ARMCX4: variants seen among roughly 807,000 people sequenced by gnomAD.
ARMCX4 encodes the protein armadillo repeat containing X-linked 4.
ARMCX4 carries 3 observed loss-of-function variants against 34.7 expected under a neutral mutation model. That is an observed-to-expected ratio of 0.09 (90% CI 0.04 to 0.22). ARMCX4 has a LOEUF of 0.22. Ranked by LOEUF, ARMCX4 falls within the 10% of genes least tolerant of loss-of-function variation. The probability of loss-of-function intolerance (pLI) is 1.00; values close to 1 mark genes in which losing one functional copy is unlikely to be tolerated. For missense variants in ARMCX4, 1,448 were observed against 1,720.8 expected (o/e 0.84, Z 2.81); for synonymous variants, 513 against 632.8 (o/e 0.81, Z 2.84).
intron 8 of ARMCX4, among the ~76,000 whole-genome samples, chrX:101,506,436 G>T (rs1305462403): frequency 9.0e-6 from 1 of 111,231 alleles, no homozygotes; most frequent in Non-Finnish European, 1.9e-5. Flanking sequence ...AATGCCAAAA[G>T]TTTCTGGTAA....
In ARMCX4 at chrX:101,488,729, T is replaced by C; in HGVS notation, c.140T>C (p.Met47Thr). Residue 47 changes from methionine (M) to threonine (T), a missense_variant, in exon 6 of 6, where the codon ATG (methionine) becomes ACG (threonine). Met to Thr is a moderately conservative substitution (Grantham distance 81). Transcript: ENST00000423738. ...TLARNGSTVK[M>T]ETVVGVQSQT... is the part of the protein sequence containing the mutation. ...GCCAGAAATGGATCCACAGTTAAGA[T>C]GGAGACTGTGGTTGGGGTACAGAGC... is the stretch of plus-strand genomic sequence containing the variant. 2.6e-6 allele frequency: 3 copies of C among 1,155,500 alleles called. No homozygotes were observed. The highest frequency in any genetic ancestry group is 1.9e-5 in the South Asian group (1 of 52,731).
chrX:101,454,314 C>T (rs782804245), intron 4 of ARMCX4, among the ~76,000 whole-genome samples: 12 of 104,561 alleles, frequency 1.1e-4, no homozygotes, highest in South Asian at 4.4e-4. Flanking sequence ...CTCGCTCTGT[C>T]GCCCAGGCTG....
chrX:101,496,355 T>C (rs1934177845), downstream of ARMCX4, among the ~76,000 whole-genome samples: 1 of 109,421 alleles, frequency 9.1e-6, no homozygotes. Flanking sequence ...TGACTGGAGA[T>C]TGGAAAAACA....
At chrX:101,522,565 T>A (rs1447111929) in intron 11 of ARMCX4, among the ~76,000 whole-genome samples, 1 of 112,603 alleles carries the variant, frequency 8.9e-6, no homozygotes, top group East Asian at 2.8e-4. Context: ...TTTTTTGTTC[T>A]ATTCTTCTAT....
At chrX:101,498,393 G>A (rs143469919), downstream of ARMCX4, 582 of 211,174 alleles carry the variant, frequency 2.8e-3, 5 homozygotes, top group African/African-American at 0.017. Context: ...ATTTTCAATG[G>A]TGGTTAACTG....
chrX:101,458,430 A>C (rs782384754), intron 4 of ARMCX4, among the ~76,000 whole-genome samples: 2 of 111,407 alleles, frequency 1.8e-5, no homozygotes, highest in South Asian at 7.4e-4. Context: ...TATAAAAGGA[A>C]ATAAAAACTA....
At chrX:101,446,055 T>C (rs1250503306) in exon 4 of ARMCX4, 2 of 112,383 alleles carry the variant, frequency 1.8e-5, no homozygotes, top group East Asian at 2.8e-4. Flanking sequence ...GTGAGTTGGA[T>C]AGGAAAATTT....
downstream of ARMCX4, among the ~76,000 whole-genome samples, chrX:101,447,124 C>A (rs1304801790): frequency 1.8e-5 from 2 of 111,701 alleles, no homozygotes; most frequent in Non-Finnish European, 3.8e-5. Flanking sequence ...TGGCTTCCTC[C>A]AGAGGGAATG....
At position 101,492,420 on chromosome X, in the gene ARMCX4, T is replaced by G. The variant is rs1556009727; in HGVS notation, c.3831T>G (p.Ser1277=). The G allele has an allele frequency of 8.7e-7, 1 of 1,153,278 alleles. No individual in the cohort carries two copies. Among genetic ancestry groups the G allele is most frequent in the Admixed American group, 2.6e-5 (1 of 38,516 alleles). ...CTGAGAACCAAGCCAGTGAAGGGTC[T>G]TGGGCTGGAGCTGGGGCTGGGAATA... The part of the protein sequence containing the change: ...TGAENQASEG[S]WAGAGAGNMS... Residue 1277 remains serine (S), a synonymous_variant, in exon 6 of 6, where the codon TCT becomes TCG. Transcript: ENST00000423738.
chrX:101,468,441 G>C (rs781979237), intron 4 of ARMCX4, among the ~76,000 whole-genome samples: 1 of 108,320 alleles, frequency 9.2e-6, no homozygotes, highest in South Asian at 4.1e-4. Flanking sequence ...ATAGGCACGC[G>C]CCACCATGCC....
chrX:101,524,859 C>G (rs1934930451), intron 11 of ARMCX4, among the ~76,000 whole-genome samples: 1 of 112,113 alleles, frequency 8.9e-6, no homozygotes, highest in Non-Finnish European at 1.9e-5. Flanking sequence ...GAATCCACCT[C>G]TGGGGGCAGG....
intron 11 of ARMCX4, among the ~76,000 whole-genome samples, chrX:101,529,955 A>G (rs1490278554): frequency 8.9e-6 from 1 of 111,757 alleles, no homozygotes; most frequent in Non-Finnish European, 1.9e-5. Flanking sequence ...TACTAGAAAT[A>G]CCATTTGACC....
upstream of ARMCX4, among the ~76,000 whole-genome samples, chrX:101,481,054 G>T (rs1380721632): frequency 9.0e-6 from 1 of 111,310 alleles, no homozygotes; most frequent in African/African-American, 3.3e-5. Context: ...GCTCAGGAAG[G>T]TCGAGGCTGC....
chrX:101,443,636 C>T (rs1236798195), intron 2 of ARMCX4: 1 of 183,260 alleles, frequency 5.5e-6, no homozygotes, highest in Non-Finnish European at 1.0e-5. Context: ...GAGTGCTCTT[C>T]TGAGCTACAG....
In ARMCX4 at chrX:101,489,826, A is replaced by G. The variant is rs782408443; in HGVS notation, c.1237A>G (p.Met413Val). ...QAVASTHAEA[M>V]SDAKVKNRGN... ...TGTTGCCAGTACTCACGCTGAGGCC[A>G]TGTCTGATGCTAAGGTTAAGAACAG... The change falls in exon 6 of 6, where the codon ATG becomes GTG. Residue 413 changes from methionine to valine, a missense_variant. By Grantham distance (21) the Met-to-Val change is conservative (BLOSUM62 1). Around this residue, in one of 2 missense-constraint regions of ARMCX4, gnomAD observed 1,343 missense variants for 1,540.7 expected, o/e 0.87. Coordinates refer to ENST00000423738, the MANE Select transcript of ARMCX4 (RefSeq NM_001256155.3). The G allele has an allele frequency of 8.6e-6, 10 of 1,156,165 alleles. 1 individual carries two copies. The South Asian group carries it at 1.9e-4, about 22-fold the overall frequency.
intron 4 of ARMCX4, among the ~76,000 whole-genome samples, chrX:101,472,423 C>T (rs1932949015): frequency 2.5e-5 from 2 of 79,465 alleles, no homozygotes; most frequent in African/African-American, 1.0e-4. Flanking sequence ...TCTAGCAAGG[C>T]AGGCCAACAT....
downstream of ARMCX4, among the ~76,000 whole-genome samples, chrX:101,496,735 C>G (rs1179728266): frequency 9.0e-6 from 1 of 111,453 alleles, no homozygotes; most frequent in African/African-American, 3.3e-5. Flanking sequence ...GAAGATCTAC[C>G]TCTCTCCCAC....
chrX:101,528,259 A>G (rs2147724490), intron 11 of ARMCX4, among the ~76,000 whole-genome samples: 1 of 112,110 alleles, frequency 8.9e-6, no homozygotes, highest in East Asian at 2.8e-4. Context: ...TAGATGCAGA[A>G]AAGGCCTTCG....
At chrX:101,422,045 T>G (rs1413425369) in intron 2 of ARMCX4, among the ~76,000 whole-genome samples, 1 of 105,097 alleles carries the variant, frequency 9.5e-6, no homozygotes, top group Non-Finnish European at 1.9e-5. Flanking sequence ...AGACAGAGTC[T>G]TGCTCTGTTG....
Sources: gnomAD v4.1 joint callset for allele counts (sites outside exome capture counted in the v4.1 genomes callset) on GRCh38, gnomAD v4.1.1 for gene constraint, gnomAD v4.1.1 regional missense constraint, MANE v1.5 for transcripts, NCBI Gene and HGNC (gene_info 2026-07-23, HGNC 2026-07-21) for gene names.